Variants in ANO1 observed in about 807,000 individuals in gnomAD.
ANO1 encodes anoctamin-1.
ANO1 carries 59 observed loss-of-function variants against 124.0 expected under a neutral mutation model. The ratio of observed to expected loss-of-function variants is 0.48; its 90% CI spans 0.39 to 0.59. The LOEUF (loss-of-function observed/expected upper bound fraction) is 0.59. Ranked by LOEUF, ANO1 falls within the 20% of genes least tolerant of loss-of-function variation. The pLI is 0.00. For synonymous variants in ANO1, 529 were observed against 532.0 expected (o/e 0.99, Z 0.08); for missense variants, 1,059 against 1,328.0 (o/e 0.80, Z 3.15).
chr11:70,059,532 C>G (rs1311148030), intron 1 of ANO1, among the ~76,000 whole-genome samples: 1 of 152,052 alleles, frequency 6.6e-6, no homozygotes, highest in African/African-American at 2.4e-5. Context: ...CTCAAATTTA[C>G]GGACACGGGG....
intron 1 of ANO1, among the ~76,000 whole-genome samples, chr11:70,017,135 G>C (rs1409363975): frequency 6.6e-6 from 1 of 152,164 alleles, no homozygotes; most frequent in Non-Finnish European, 1.5e-5. Flanking sequence ...AAAATCCCAC[G>C]CGGGCCAAGG....
intron 9 of ANO1, 99 bp downstream of exon 9, chr11:70,124,513 G>A (rs929410629): frequency 1.3e-5 from 17 of 1,286,184 alleles, no homozygotes; most frequent in East Asian, 2.4e-5. Context: ...TTCAGTACCC[G>A]GGAACGTGTT....
At chr11:70,104,341 G>A (rs916120913) in intron 4 of ANO1, among the ~76,000 whole-genome samples, 191 bp downstream of exon 4, 2 of 152,162 alleles carry the variant, frequency 1.3e-5, no homozygotes, top group South Asian at 2.1e-4. Context: ...ATGAGTTAGG[G>A]GGACACAGCA....
chr11:70,005,161 T>C (rs2120353038), intron 1 of ANO1, among the ~76,000 whole-genome samples: 1 of 152,056 alleles, frequency 6.6e-6, no homozygotes, highest in African/African-American at 2.4e-5. Context: ...CATGGGTGCA[T>C]TACAAATGTC....
At chr11:70,186,352 G>GGAAGGAAGGAAGGA (rs2049120748) in intron 25 of ANO1, among the ~76,000 whole-genome samples, 44 of 126,898 alleles carry the variant, frequency 3.5e-4, no homozygotes, top group African/African-American at 1.3e-3. Context: ...GAGGGGGAGG[G>GGAAGGAAGGAAGGA]AGGAAGGAAG....
chr11:70,020,374 C>G (rs2134996301), intron 1 of ANO1, among the ~76,000 whole-genome samples: 1 of 152,268 alleles, frequency 6.6e-6, no homozygotes, highest in African/African-American at 2.4e-5. Context: ...CAGCCGCACT[C>G]CACTGCACAG....
intron 1 of ANO1, chr11:70,085,472 T>G (rs1351708719): frequency 6.5e-7 from 1 of 1,535,960 alleles, no homozygotes; most frequent in Admixed American, 2.0e-5. Flanking sequence ...CCTGTGTTAC[T>G]GTAGAGAGAA....
chr11:70,150,384 G>A (rs1321148969), intron 12 of ANO1, among the ~76,000 whole-genome samples: 3 of 152,188 alleles, frequency 2.0e-5, no homozygotes, highest in Admixed American at 1.3e-4. Flanking sequence ...ATACTCCCAG[G>A]GATCCCAAGT....
chr11:70,170,745 C>T (rs2048430260), intron 21 of ANO1, 142 bp from the exon 22 acceptor site: 2 of 1,000,204 alleles, frequency 2.0e-6, no homozygotes, highest in African/African-American at 1.6e-5. Context: ...TCTAATGCAT[C>T]TGCAGGTGGG....
chr11:69,979,892 T>C, the ANO1 span, among the ~76,000 whole-genome samples: 1 of 152,180 alleles, frequency 6.6e-6, no homozygotes, highest in East Asian at 1.9e-4. Flanking sequence ...AGGTCCATCA[T>C]GCCTCCATAG....
At chr11:69,979,813 G>A in the ANO1 span, among the ~76,000 whole-genome samples, 1 of 152,192 alleles carries the variant, frequency 6.6e-6, no homozygotes, top group Admixed American at 6.5e-5. Flanking sequence ...TGGTGAGAAC[G>A]TAGTTCACTT....
chr11:70,163,659 G>A (rs1018676860), intron 19 of ANO1: 12 of 575,898 alleles, frequency 2.1e-5, no homozygotes, highest in Middle Eastern at 4.5e-4. Context: ...AATGAGGGAC[G>A]GGTGCAGTGG....
intron 1 of ANO1, among the ~76,000 whole-genome samples, chr11:70,001,713 T>A (rs1229178849): frequency 6.6e-6 from 1 of 152,176 alleles, no homozygotes; most frequent in African/African-American, 2.4e-5. Flanking sequence ...TAGCAAAACA[T>A]GCTGAGTTGC....
chr11:70,025,704 GTGA>G, intron 1 of ANO1, among the ~76,000 whole-genome samples: 1 of 72,178 alleles, frequency 1.4e-5, no homozygotes, highest in African/African-American at 5.0e-5. Context: ...GATGGTGGTG[GTGA>G]TGGTGATGAT....
rs1211547772 is a variant in ANO1 at position 70,108,421 on chromosome 11, G to A, written c.799+17G>A. On this transcript the variant is annotated intron_variant, in intron 6 of 25. Coordinates refer to ENST00000355303, the MANE Select transcript of ANO1 (RefSeq NM_018043.7). ...ACAGCATGGGTAAGCACGTTTTTGG[G>A]GCTTGAGATCAGCATTGGTTTCCAA... 1 of 1,609,510 alleles carries A rather than the reference G, an allele frequency of 6.2e-7. No individual in the cohort carries two copies.
chr11:70,071,090 C>T (rs571649368), intron 1 of ANO1, among the ~76,000 whole-genome samples: 10 of 152,274 alleles, frequency 6.6e-5, no homozygotes, highest in East Asian at 3.9e-4. Flanking sequence ...TGAAATAGGG[C>T]GCTCTCTTGG....
chr11:70,023,941 C>G (rs537382170), intron 1 of ANO1, among the ~76,000 whole-genome samples: 1 of 152,348 alleles, frequency 6.6e-6, no homozygotes, highest in Non-Finnish European at 1.5e-5. Context: ...TCACTGCAAC[C>G]TACCAATACT....
At chr11:70,105,454 G>A (rs1471278265) in intron 4 of ANO1, among the ~76,000 whole-genome samples, 1 of 152,100 alleles carries the variant, frequency 6.6e-6, no homozygotes, top group Non-Finnish European at 1.5e-5. Context: ...TCTTCTGGGG[G>A]GCTGTGGGGG....
chr11:70,152,990 T>G, intron 13 of ANO1, 67 bp from the exon 14 acceptor site: 1 of 1,427,136 alleles, frequency 7.0e-7, no homozygotes, highest in Non-Finnish European at 9.7e-7. Flanking sequence ...TTGCCAAGTA[T>G]GCTCACGCTG....
Sources: allele counts gnomAD v4.1 joint callset (sites outside exome capture counted in the v4.1 genomes callset), GRCh38; gene constraint gnomAD v4.1.1; transcripts MANE v1.5; gene names NCBI Gene and HGNC (gene_info 2026-07-23, HGNC 2026-07-21).